The following GRK3 variants were observed in gnomAD, a reference collection of about 807,000 sequenced individuals.
GRK3 encodes the protein G protein-coupled receptor kinase 3, also known as adrenergic, beta, receptor kinase 2.
A neutral mutation model predicts 95.7 loss-of-function variants in GRK3; 54 were observed. The observed-to-expected ratio is 0.56, with a 90% CI of 0.45 to 0.71. The LOEUF (loss-of-function observed/expected upper bound fraction) is 0.71, where lower values mean the gene tolerates loss of function less well. GRK3 is among the 30% of genes least tolerant of loss of function. The pLI is 0.00. For synonymous variants in GRK3, 281 were observed against 290.8 expected, an observed-to-expected ratio of 0.97 and a Z score of 0.34; for missense variants, 649 against 851.2, an observed-to-expected ratio of 0.76 and a Z score of 2.96.
rs549875075 is a variant in GRK3, at chr22:25,602,484, A to G, written c.114-1893A>G. ...TCACTTCCTGGTGTTTACCTGTGAA[A>G]AATGAAAACGCATGCCCATAAAAAG... On this transcript the variant is annotated intron_variant, in intron 1 of 20. Transcript: ENST00000324198. 2.0e-5 allele frequency among the ~76,000 whole-genome samples: 3 copies of G among 152,354 alleles called. No homozygotes were observed. In the South Asian group the frequency reaches 6.2e-4, roughly 32 times the overall value.
chr22:25,687,441 C>G lies in GRK3; in HGVS notation c.827-96C>G, dbSNP rs545955728. 3.8e-6 allele frequency: 5 copies of G among 1,322,902 alleles called. No individual in the cohort carries two copies. In the Admixed American group the frequency reaches 6.4e-5, roughly 17 times the overall value. The allele number at this position is 1,322,902 out of a possible 1,614,324, so 81.9% of individuals were successfully genotyped here. On this transcript the variant is annotated intron_variant, in intron 10 of 20. Coordinates refer to ENST00000324198, the MANE Select transcript of GRK3 (RefSeq NM_005160.4). ...TATAGACCAAGCAGAAGCATAGTTT[C>G]CCTTTTTCTGCTGAGTCCTGACTAT...
chr22:25,686,509 G>A (rs1017874997), intron 10 of GRK3, among the ~76,000 whole-genome samples: 3 of 152,164 alleles, frequency 2.0e-5, no homozygotes, highest in Non-Finnish European at 2.9e-5. Context: ...GGTTTTACAG[G>A]AATATGTGTA....
At chr22:25,713,535 A>C (rs780802680) in intron 17 of GRK3, among the ~76,000 whole-genome samples, 1 of 151,982 alleles carries the variant, frequency 6.6e-6, no homozygotes, top group African/African-American at 2.4e-5. Context: ...CCTTCTCAGT[A>C]TTTTGCCTGT....
intron 2 of GRK3, among the ~76,000 whole-genome samples, chr22:25,642,033 T>A (rs189158086): frequency 5.9e-5 from 9 of 152,232 alleles, no homozygotes; most frequent in Admixed American, 5.9e-4. Context: ...CTTCCAGAAA[T>A]AGAAAAAGAA....
At chr22:25,607,124 G>T (rs1474605118) in intron 2 of GRK3, among the ~76,000 whole-genome samples, 5 of 152,018 alleles carry the variant, frequency 3.3e-5, no homozygotes, top group African/African-American at 1.2e-4. Flanking sequence ...ACATCACCTA[G>T]ATTTGATACA....
At chr22:25,585,856 G>A (rs927130104) in intron 1 of GRK3, among the ~76,000 whole-genome samples, 1 of 152,258 alleles carries the variant, frequency 6.6e-6, no homozygotes, top group Admixed American at 6.5e-5. Context: ...GGTTAAATAG[G>A]AATATCATTT....
At chr22:25,711,405 T>G (rs1056401399) in intron 17 of GRK3, among the ~76,000 whole-genome samples, 1 of 152,132 alleles carries the variant, frequency 6.6e-6, no homozygotes, top group African/African-American at 2.4e-5. Context: ...ATTTGGAATA[T>G]TTGTGATTGA....
intron 2 of GRK3, among the ~76,000 whole-genome samples, chr22:25,630,703 T>C (rs2084658335): frequency 6.6e-6 from 1 of 152,226 alleles, no homozygotes; most frequent in Non-Finnish European, 1.5e-5. Context: ...TCATTTCCAT[T>C]TGTGCTTTTG....
chr22:25,712,499 C>T (rs1430122132), intron 17 of GRK3, among the ~76,000 whole-genome samples: 1 of 152,216 alleles, frequency 6.6e-6, no homozygotes, highest in Non-Finnish European at 1.5e-5. Flanking sequence ...CGTCAGAGTA[C>T]TAAAAATAAA....
At chr22:25,699,266 T>C (rs778159586) in intron 13 of GRK3, among the ~76,000 whole-genome samples, 11 of 152,164 alleles carry the variant, frequency 7.2e-5, no homozygotes, top group African/African-American at 2.4e-4. Context: ...CCCTGGCAGC[T>C]GTCTTTTCTC....
chr22:25,680,043 A>T (rs563303358), intron 9 of GRK3, among the ~76,000 whole-genome samples: 1 of 152,282 alleles, frequency 6.6e-6, no homozygotes, highest in Admixed American at 6.5e-5. Context: ...TCATCACTTT[A>T]TAGGCTGTAT....
At chr22:25,659,558 C>T (rs1300073425) in intron 3 of GRK3, among the ~76,000 whole-genome samples, 5 of 152,166 alleles carry the variant, frequency 3.3e-5, no homozygotes, top group African/African-American at 9.7e-5. Context: ...AGACTTTTCA[C>T]CTTGAACTCA....
intron 10 of GRK3, 36 bp from the exon 11 acceptor site, chr22:25,687,501 A>T (rs1382591782): frequency 6.2e-7 from 1 of 1,607,594 alleles, no homozygotes; most frequent in Non-Finnish European, 8.5e-7. Context: ...CCTTTAAATT[A>T]ACATGCTTTG....
Position 25,695,209 on chromosome 22 carries a change from G to C in GRK3, c.1155G>C (p.Leu385=). 4.3e-6 allele frequency: 7 copies of C among 1,613,306 alleles called. No homozygotes were observed. The highest frequency in any genetic ancestry group is 5.9e-6 in the Non-Finnish European group (7 of 1,179,250). Residue 385 remains leucine, a synonymous_variant, in exon 13 of 21, where the codon CTG becomes CTC. Transcript: ENST00000324198. ...TGGGCTGCATGCTTTTCAAACTTCT[G>C]AGAGGGTGAGTTGAAATGCATCCTT... ...FSLGCMLFKL[L]RGHSPFRQHK...
At chr22:25,686,499 G>A (rs1286997645) in intron 10 of GRK3, among the ~76,000 whole-genome samples, 2 of 152,134 alleles carry the variant, frequency 1.3e-5, no homozygotes, top group African/African-American at 4.8e-5. Flanking sequence ...ATGTGGTGGT[G>A]GTTTTACAGG....
At chr22:25,576,091 T>C (rs1316949949) in intron 1 of GRK3, among the ~76,000 whole-genome samples, 1 of 152,200 alleles carries the variant, frequency 6.6e-6, no homozygotes, top group Non-Finnish European at 1.5e-5. Context: ...TCTGAAAAGC[T>C]ACACTATAAC....
chr22:25,599,263 G>A (rs1224628692), intron 1 of GRK3, among the ~76,000 whole-genome samples: 1 of 152,092 alleles, frequency 6.6e-6, no homozygotes, highest in Non-Finnish European at 1.5e-5. Flanking sequence ...CTAAGCAAGT[G>A]CAAAGACAAA....
intron 3 of GRK3, among the ~76,000 whole-genome samples, chr22:25,647,013 T>A (rs2084788265): frequency 7.3e-6 from 1 of 136,560 alleles, no homozygotes; most frequent in African/African-American, 2.9e-5. Context: ...CGAGGGAGAC[T>A]TTGTCTCAAA....
chr22:25,643,388 G>A (rs748991861), intron 2 of GRK3, among the ~76,000 whole-genome samples: 54 of 152,168 alleles, frequency 3.5e-4, no homozygotes, highest in Admixed American at 5.9e-4. Context: ...CACGTTCCGG[G>A]AACTATGAGG....
Sources: gnomAD v4.1 joint callset for allele counts (sites outside exome capture counted in the v4.1 genomes callset) on GRCh38, gnomAD v4.1.1 for gene constraint, MANE v1.5 for transcripts, NCBI Gene and HGNC (gene_info 2026-07-23, HGNC 2026-07-21) for gene names.